Variants in IL1R1 observed in about 807,000 individuals in gnomAD.
The protein encoded by IL1R1 is interleukin-1 receptor type 1.
A neutral mutation model predicts 50.2 loss-of-function variants in IL1R1; 22 were observed. The observed-to-expected ratio is 0.44, with a 90% CI of 0.31 to 0.63. The LOEUF is 0.63. Ranked by LOEUF, IL1R1 falls within the 20% of genes least tolerant of loss-of-function variation. The pLI is 0.07. For missense variants in IL1R1, 509 were observed against 676.2 expected (o/e 0.75, Z 2.74); for synonymous variants, 251 against 236.7 (o/e 1.06, Z -0.55).
chr2:102,114,253 A>T (rs1208415847), intron 1 of IL1R1, among the ~76,000 whole-genome samples: 1 of 152,250 alleles, frequency 6.6e-6, no homozygotes. Flanking sequence ...AATAAAGTAC[A>T]AATTCAAGTA....
intron 1 of IL1R1, among the ~76,000 whole-genome samples, chr2:102,129,952 G>A (rs898483909): frequency 6.6e-5 from 10 of 152,264 alleles, no homozygotes; most frequent in African/African-American, 7.2e-5. Flanking sequence ...TAAAAATGCC[G>A]ATAAACTCAT....
At chr2:102,162,190 C>G (rs376250895) in intron 3 of IL1R1, among the ~76,000 whole-genome samples, 4 of 151,900 alleles carry the variant, frequency 2.6e-5, no homozygotes, top group East Asian at 3.9e-4. Context: ...AATGGTTAAC[C>G]CTAGCTAATT....
At chr2:102,071,405 T>A (rs1199561967) in intron 1 of IL1R1, among the ~76,000 whole-genome samples, 1 of 152,242 alleles carries the variant, frequency 6.6e-6, no homozygotes, top group Non-Finnish European at 1.5e-5. Context: ...AGGGCATACT[T>A]TCTTGAAAAA....
At position 102,176,591 on chromosome 2, in the gene IL1R1, C is replaced by T; in HGVS notation, c.1542C>T (p.Arg514=). ...KFIKQKHGAI[R]WSGDFTQGPQ... ...TTAAGCAGAAACATGGGGCTATCCG[C>T]TGGTCAGGGGACTTTACACAGGGAC... The change falls in exon 12 of 12, where the codon CGC becomes CGT. Residue 514 remains arginine (R), a synonymous_variant. Coordinates refer to ENST00000410023, the MANE Select transcript of IL1R1 (RefSeq NM_000877.4). The T allele has an allele frequency of 6.2e-7, 1 of 1,614,142 alleles. No individual in the cohort carries two copies. The highest frequency in any genetic ancestry group is 8.5e-7 in the Non-Finnish European group (1 of 1,180,024).
chr2:102,152,921 TG>T (rs1243835573), intron 1 of IL1R1, among the ~76,000 whole-genome samples: 2 of 152,052 alleles, frequency 1.3e-5, no homozygotes, highest in Non-Finnish European at 2.9e-5. Context: ...GTGTTATTGA[TG>T]GCCATTAAAA....
At chr2:102,125,017 C>A (rs1355937735) in intron 1 of IL1R1, among the ~76,000 whole-genome samples, 3 of 152,234 alleles carry the variant, frequency 2.0e-5, no homozygotes, top group Non-Finnish European at 2.9e-5. Context: ...TCAGGTTCCT[C>A]CCTTGACACA....
At chr2:102,156,517 C>CTT (rs201323264) in intron 2 of IL1R1, among the ~76,000 whole-genome samples, 2 of 145,930 alleles carry the variant, frequency 1.4e-5, no homozygotes, top group African/African-American at 5.0e-5. Context: ...ACCTATACAC[C>CTT]TTTTTTTTTT....
chr2:102,140,357 G>A (rs1364919643), upstream of IL1R1, among the ~76,000 whole-genome samples: 6 of 152,016 alleles, frequency 3.9e-5, no homozygotes, highest in South Asian at 4.1e-4. Context: ...TCCCAAAGAG[G>A]GTCCTGGGAT....
Position 102,175,511 on chromosome 2 carries a change from T to C in IL1R1, c.1169T>C (p.Leu390Pro), listed in dbSNP as rs2104649546. Residue 390 changes from leucine (L) to proline (P), a missense_variant, in exon 11 of 12, where the codon CTG becomes CCG. Coordinates refer to ENST00000410023, the MANE Select transcript of IL1R1 (RefSeq NM_000877.4). ...SDGKTYDAYI[L>P]YPKTVGEGST... Reference sequence around the variant, plus strand: ...GGAAAGACCTATGACGCATATATACTGTATCCAAAGACTGTTGGGGAAGGG... The same window carrying C: ...GGAAAGACCTATGACGCATATATACCGTATCCAAAGACTGTTGGGGAAGGG... 6.2e-7 allele frequency: 1 copy of C among 1,613,768 alleles called. No individual in the cohort carries two copies. The highest frequency in any genetic ancestry group is 8.5e-7 in the Non-Finnish European group (1 of 1,179,618).
At chr2:102,127,312 T>C (rs984581919) in intron 1 of IL1R1, among the ~76,000 whole-genome samples, 3 of 152,036 alleles carry the variant, frequency 2.0e-5, no homozygotes, top group African/African-American at 7.3e-5. Flanking sequence ...TAACTGGTTG[T>C]GGAAAAGAGT....
intron 1 of IL1R1, among the ~76,000 whole-genome samples, chr2:102,093,608 T>C (rs11694915): frequency 6.6e-6 from 1 of 152,110 alleles, no homozygotes. Flanking sequence ...TGAGCATTTT[T>C]TCGTGTGCTT....
At chr2:102,170,680 A>G (rs564918176) in intron 7 of IL1R1, among the ~76,000 whole-genome samples, 2 of 152,302 alleles carry the variant, frequency 1.3e-5, no homozygotes, top group South Asian at 2.1e-4. Flanking sequence ...TGTTAGAAAA[A>G]CTTTGAAAAT....
intron 3 of IL1R1, 108 bp downstream of exon 3, chr2:102,157,893 A>G (rs1377876584): frequency 8.0e-6 from 6 of 745,662 alleles, no homozygotes; most frequent in African/African-American, 7.0e-5. Context: ...TCTCTGTTGA[A>G]TCTCTGGGCA....
chr2:102,108,945 G>GAATAATAATAAT (rs147984449), intron 1 of IL1R1, among the ~76,000 whole-genome samples: 5 of 145,428 alleles, frequency 3.4e-5, no homozygotes, highest in African/African-American at 5.1e-5. Context: ...ACTTGGTACT[G>GAATAATAATAAT]AATAATAATA....
intron 1 of IL1R1, among the ~76,000 whole-genome samples, chr2:102,119,501 T>C (rs1488710375): frequency 6.6e-6 from 1 of 152,240 alleles, no homozygotes; most frequent in African/African-American, 2.4e-5. Flanking sequence ...ACACCACAGT[T>C]TGGGAAGGAT....
intron 2 of IL1R1, among the ~76,000 whole-genome samples, chr2:102,156,630 G>A (rs138728213): frequency 1.2e-3 from 183 of 151,914 alleles, no homozygotes; most frequent in African/African-American, 4.2e-3. Context: ...TCCCACCTCA[G>A]CCTCCCCAGT....
At chr2:102,170,526 T>C (rs1040330562) in intron 7 of IL1R1, among the ~76,000 whole-genome samples, 1 of 152,206 alleles carries the variant, frequency 6.6e-6, no homozygotes. Context: ...GAATTAATTC[T>C]GTATAAATTA....
intron 1 of IL1R1, among the ~76,000 whole-genome samples, chr2:102,118,604 A>G (rs1681223216): frequency 6.6e-6 from 1 of 152,200 alleles, no homozygotes; most frequent in Admixed American, 6.5e-5. Context: ...AACTCCAGTT[A>G]GTATCAGAAT....
At chr2:102,122,703 T>C (rs570037328) in intron 1 of IL1R1, among the ~76,000 whole-genome samples, 1 of 152,292 alleles carries the variant, frequency 6.6e-6, no homozygotes, top group South Asian at 2.1e-4. Flanking sequence ...TCTGCCAGGG[T>C]CTGAAGGAAT....
Sources: gnomAD v4.1 joint callset for allele counts (sites outside exome capture counted in the v4.1 genomes callset) on GRCh38, gnomAD v4.1.1 for gene constraint, MANE v1.5 for transcripts, NCBI Gene and HGNC (gene_info 2026-07-23, HGNC 2026-07-21) for gene names.